The following CD160 variants were observed in gnomAD, a reference collection of about 807,000 sequenced individuals.
CD160 encodes CD160 antigen.
Under a neutral mutation model 19.2 loss-of-function variants are expected in CD160, and 11 were observed. That is an observed-to-expected ratio of 0.57 (90% confidence interval 0.36 to 0.95). CD160 has a LOEUF of 0.95. Among genes scored for constraint, CD160 ranks in the 40% least tolerant of loss-of-function variants. CD160 has a pLI of 0.01. For missense variants in CD160, 182 were observed against 213.2 expected (o/e 0.85, Z 0.91); for synonymous variants, 75 against 81.1 (o/e 0.93, Z 0.40).
chr1:145,734,932 C>T (rs886382928), intron 4 of CD160, among the ~76,000 whole-genome samples: 2 of 151,662 alleles, frequency 1.3e-5, no homozygotes, highest in South Asian at 2.1e-4. Flanking sequence ...CATGGTGAAA[C>T]CCTGTCTCTA....
At position 145,728,313 on chromosome 1, in the gene CD160, C is replaced by G. The variant is rs782177945; in HGVS notation, c.-15C>G. On this transcript the variant is annotated 5_prime_UTR_variant, in exon 3 of 6. Coordinates refer to ENST00000369288, the MANE Select transcript of CD160 (RefSeq NM_007053.4). ...CATTTGCTTCAAGTTCCTGGGCCTG[C>G]TGACAGCGTGCAGGATGCTGTTGGA... The G allele has an allele frequency of 1.2e-5, 20 of 1,607,214 alleles. No homozygotes were observed. The highest frequency in any genetic ancestry group is 1.6e-5 in the Non-Finnish European group (19 of 1,175,546).
intron 4 of CD160, among the ~76,000 whole-genome samples, chr1:145,734,275 C>T (rs1321406916): frequency 6.6e-6 from 1 of 152,184 alleles, no homozygotes; most frequent in East Asian, 1.9e-4. Flanking sequence ...CCCACACCTA[C>T]CACAGGGCCT....
At chr1:145,737,389 ATTCT>A (rs1238298855) in intron 5 of CD160, 1 of 152,198 alleles carries the variant, frequency 6.6e-6, no homozygotes, top group Non-Finnish European at 1.5e-5. Context: ...CACCCCATTC[ATTCT>A]GAGATTGACT....
chr1:145,731,302 A>T (rs1553709240), intron 4 of CD160, among the ~76,000 whole-genome samples: 2 of 152,130 alleles, frequency 1.3e-5, no homozygotes, highest in Non-Finnish European at 2.9e-5. Context: ...ATTTTTACTG[A>T]CAGGGAGATG....
intron 2 of CD160, among the ~76,000 whole-genome samples, chr1:145,725,959 T>C (rs1657037139): frequency 6.6e-6 from 1 of 152,092 alleles, no homozygotes; most frequent in South Asian, 2.1e-4. Flanking sequence ...GGGAGCTGGG[T>C]ATGAAATTAA....
In CD160 at chr1:145,738,924, A is replaced by C. The variant is rs1011576103; in HGVS notation, c.*431A>C. ...CAAAGGAAAGAGAGAGAAAACAAGC[A>C]AAGATAGGTAGGACAGAAAGGAAGA... On this transcript the variant is annotated 3_prime_UTR_variant, in exon 6 of 6. Transcript: ENST00000369288. 6.5e-6 allele frequency: 1 copy of C among 153,668 alleles called. No homozygotes were observed. Among genetic ancestry groups the C allele is most frequent in the African/African-American group, 2.4e-5 (1 of 41,628 alleles). 9.5% of individuals were successfully genotyped at this position (153,668 alleles called of 1,614,324 possible).
chr1:145,731,255 CTTTAA>C (rs1657281539), intron 4 of CD160, among the ~76,000 whole-genome samples, 185 bp downstream of exon 4: 1 of 152,154 alleles, frequency 6.6e-6, no homozygotes, highest in African/African-American at 2.4e-5. Flanking sequence ...CTCATTTTGT[CTTTAA>C]TTTTAGAACT....
At chr1:145,722,876 G>A (rs1656909064) in intron 1 of CD160, among the ~76,000 whole-genome samples, 1 of 152,140 alleles carries the variant, frequency 6.6e-6, no homozygotes, top group Non-Finnish European at 1.5e-5. Context: ...TTACAGGCGT[G>A]AGACACCGCG....
At chr1:145,730,698 C>T in intron 3 of CD160, 46 bp from the exon 4 acceptor site, 1 of 1,519,092 alleles carries the variant, frequency 6.6e-7, no homozygotes, top group South Asian at 1.1e-5. Context: ...GTGAAATTCA[C>T]AGAATGCTAC....
intron 4 of CD160, among the ~76,000 whole-genome samples, chr1:145,734,335 C>T (rs983201813): frequency 6.6e-6 from 1 of 152,168 alleles, no homozygotes; most frequent in Non-Finnish European, 1.5e-5. Context: ...ACTGTTTCTG[C>T]CTCCAATCCA....
intron 5 of CD160, chr1:145,736,806 GTCT>G (rs1473950067): frequency 1.3e-5 from 2 of 152,730 alleles, no homozygotes; most frequent in Non-Finnish European, 2.9e-5. Context: ...TAAGGACTTT[GTCT>G]TCTTTACCCC....
rs1271132419 is a variant in CD160 at position 145,739,267 on chromosome 1, A to G, written c.*774A>G. ...GGGCAGGATATTCCTGATAGGAGGA[A>G]CTACATGAATAAAGGGGTAAGAGCA... On this transcript the variant is annotated 3_prime_UTR_variant, in exon 6 of 6. Transcript: ENST00000369288. 1 of 152,290 alleles carries G rather than the reference A, an allele frequency of 6.6e-6. No individual in the cohort carries two copies. Among genetic ancestry groups the G allele is most frequent in the African/African-American group, 2.4e-5 (1 of 41,470 alleles). 9.4% of individuals were successfully genotyped at this position (152,290 alleles called of 1,614,324 possible). A position where few individuals can be genotyped will look rare whatever the true frequency, so the allele number is the denominator to read the frequency against.
At chr1:145,734,246 C>T (rs186929520) in intron 4 of CD160, among the ~76,000 whole-genome samples, 1 of 152,106 alleles carries the variant, frequency 6.6e-6, no homozygotes, top group African/African-American at 2.4e-5. Context: ...GCAACTGTGC[C>T]CTAGTCACCT....
At chr1:145,724,494 T>C (rs1450544890) in intron 1 of CD160, among the ~76,000 whole-genome samples, 2 of 152,208 alleles carry the variant, frequency 1.3e-5, no homozygotes, top group African/African-American at 4.8e-5. Flanking sequence ...TATTTTACCA[T>C]TAAATATGAT....
intron 5 of CD160, chr1:145,736,376 AG>A: frequency 1.7e-6 from 2 of 1,155,378 alleles, no homozygotes; most frequent in South Asian, 3.1e-5. Context: ...TTAGGAATGA[AG>A]GCCTGTGAGA....
At chr1:145,735,909 C>A in intron 4 of CD160, 88 bp from the exon 5 acceptor site, 1 of 906,250 alleles carries the variant, frequency 1.1e-6, no homozygotes, top group Non-Finnish European at 1.7e-6. Context: ...CCTTGGAGAT[C>A]ATAAAAGAGA....
At chr1:145,727,167 CATAG>C (rs1443781502) in intron 2 of CD160, among the ~76,000 whole-genome samples, 1 of 152,036 alleles carries the variant, frequency 6.6e-6, no homozygotes, top group African/African-American at 2.4e-5. Flanking sequence ...CACATACACA[CATAG>C]AGAGGATTTT....
intron 4 of CD160, among the ~76,000 whole-genome samples, chr1:145,732,197 TTA>T (rs1467839669): frequency 6.6e-6 from 1 of 152,096 alleles, no homozygotes; most frequent in Non-Finnish European, 1.5e-5. Context: ...TTACCTAGAA[TTA>T]TATATTCAGC....
rs1553710601 is a variant in CD160, at chr1:145,738,672, C to T, written c.*179C>T. The T allele has an allele frequency of 4.1e-5, 17 of 416,856 alleles. No homozygotes were observed. Among genetic ancestry groups the T allele is most frequent in the Middle Eastern group, 3.4e-4 (1 of 2,942 alleles). 25.8% of individuals were successfully genotyped at this position (416,856 alleles called of 1,614,324 possible). On this transcript the variant is annotated 3_prime_UTR_variant, in exon 6 of 6. Transcript: ENST00000369288. ...TGGGGCAAATCAGTGTAATCCTTGA[C>T]TTTGCTCCTCACCATCAGGGCAAAC...
Sources: gnomAD v4.1 joint callset for allele counts (sites outside exome capture counted in the v4.1 genomes callset) on GRCh38, gnomAD v4.1.1 for gene constraint, MANE v1.5 for transcripts, NCBI Gene and HGNC (gene_info 2026-07-23, HGNC 2026-07-21) for gene names.